PLEKHM1: variants seen among roughly 807,000 people sequenced by gnomAD.
The protein encoded by PLEKHM1 is pleckstrin homology and RUN domain containing M1, also known as pleckstrin homology domain-containing family M member 1.
In PLEKHM1, 28 loss-of-function variants were observed where a neutral mutation model predicts 94.3. The ratio of observed to expected loss-of-function variants is 0.30; its 90% CI spans 0.22 to 0.41. The LOEUF (loss-of-function observed/expected upper bound fraction) is 0.41. Ranked by LOEUF, PLEKHM1 falls within the 10% of genes least tolerant of loss-of-function variation. PLEKHM1 has a pLI of 1.00. For synonymous variants in PLEKHM1, 424 were observed against 581.2 expected, an observed-to-expected ratio of 0.73 and a Z score of 3.89; for missense variants, 907 against 1,358.6, an observed-to-expected ratio of 0.67 and a Z score of 5.22.
chr17:45,449,946 C>T (rs1417168492), intron 8 of PLEKHM1, among the ~76,000 whole-genome samples: 2 of 150,154 alleles, frequency 1.3e-5, no homozygotes, highest in African/African-American at 4.9e-5. Context: ...ATCCACCTAC[C>T]CATCCACCCA....
intron 6 of PLEKHM1, 104 bp from the exon 7 acceptor site, chr17:45,454,376 A>C (rs1489931219): frequency 9.2e-7 from 1 of 1,084,586 alleles, no homozygotes; most frequent in Non-Finnish European, 1.4e-6. Flanking sequence ...GTGGCCAGTG[A>C]CTGTCCCCAG....
intron 2 of PLEKHM1, among the ~76,000 whole-genome samples, chr17:45,479,376 G>C (rs990590302): frequency 6.6e-6 from 1 of 152,172 alleles, no homozygotes; most frequent in Non-Finnish European, 1.5e-5. Flanking sequence ...AAAAATAGCT[G>C]GGCGTGGTGG....
At chr17:45,476,535 C>T (rs755375323) in intron 3 of PLEKHM1, among the ~76,000 whole-genome samples, 13 of 152,222 alleles carry the variant, frequency 8.5e-5, no homozygotes, top group East Asian at 7.7e-4. Flanking sequence ...TAAGGCAACA[C>T]GGGGTAATGG....
At chr17:45,481,277 G>A (rs1456018594) in intron 2 of PLEKHM1, among the ~76,000 whole-genome samples, 1 of 151,822 alleles carries the variant, frequency 6.6e-6, no homozygotes, top group Non-Finnish European at 1.5e-5. Flanking sequence ...AGTTATAAGT[G>A]TTCTTTATAC....
Position 45,453,261 on chromosome 17 carries a change from C to T in PLEKHM1, c.2497+94G>A, listed in dbSNP as rs530767912. The stretch of plus-strand genomic sequence containing the variant: ...CCTAGGGGAAGGATGGGGGCATTTG[C>T]GGGGAGGCAGAAGGGTGGGGAGCCT... On this transcript the variant is annotated intron_variant, in intron 7 of 11. Transcript: ENST00000430334. The surrounding 1 kb of genome is among the most constrained non-coding windows in gnomAD (Gnocchi z 4.1). The T allele has an allele frequency of 3.3e-4, 402 of 1,230,752 alleles. 5 individuals are homozygous for T. In the South Asian group the frequency reaches 4.6e-3, roughly 14 times the overall value. The allele number at this position is 1,230,752 out of a possible 1,614,324, so 76.2% of individuals were successfully genotyped here.
intron 8 of PLEKHM1, among the ~76,000 whole-genome samples, chr17:45,450,266 T>C (rs904837729): frequency 6.6e-6 from 1 of 152,224 alleles, no homozygotes; most frequent in African/African-American, 2.4e-5. Flanking sequence ...TCCACCTACC[T>C]ACCTGACCAT....
chr17:45,453,930 G>T lies in PLEKHM1; in HGVS notation c.1922C>A (p.Pro641Gln). The T allele has an allele frequency of 6.2e-7, 1 of 1,613,828 alleles. No individual in the cohort carries two copies. The highest frequency in any genetic ancestry group is 8.5e-7 in the Non-Finnish European group (1 of 1,179,766). ...CTCGGGGGGTTCCTCAGGCTGGTCT[G>T]GGTACTGCACGTTCACCCACTCATC... The part of the protein sequence containing the change: ...QEDEWVNVQY[P>Q]DQPEEPPEAP... The change falls in exon 7 of 12, where the codon CCA becomes CAA. Residue 641 changes from proline (P) to glutamine (Q), a missense_variant. Pro to Gln is a moderately conservative substitution (Grantham distance 76). This residue lies in a region of PLEKHM1 where 477 missense variants were observed against 601.5 expected (regional missense o/e 0.79). Transcript: ENST00000430334. This position sits in a 1 kb window ranked among gnomAD's most constrained non-coding sequence, Gnocchi z 4.1.
chr17:45,465,602 T>C (rs2051295551), intron 5 of PLEKHM1, among the ~76,000 whole-genome samples: 1 of 152,046 alleles, frequency 6.6e-6, no homozygotes, highest in Non-Finnish European at 1.5e-5. Context: ...CCCAGCTACT[T>C]GGGAGGCTGA....
chr17:45,478,008 T>C lies in PLEKHM1; in HGVS notation c.188A>G (p.His63Arg), dbSNP rs2051811815. 6.2e-7 allele frequency: 1 copy of C among 1,614,090 alleles called. No individual in the cohort carries two copies. Among genetic ancestry groups the C allele is most frequent in the Admixed American group, 1.7e-5 (1 of 59,992 alleles). The change falls in exon 3 of 12, where the codon CAC (histidine) becomes CGC (arginine). Residue 63 changes from histidine (H) to arginine (R), a missense_variant. By Grantham distance (29) the His-to-Arg change is conservative (BLOSUM62 0). Around this residue, in one of 3 missense-constraint regions of PLEKHM1, gnomAD observed 176 missense variants for 306.0 expected, o/e 0.58. Transcript: ENST00000430334. ...ALEAVFIHGL[H>R]AKHIRAEAGG... ...GGCCTCAGCTCGGATGTGCTTGGCGTGCAGGCCATGGATAAATACGGCCTC... is the reference window on the plus strand; with the variant it reads ...GGCCTCAGCTCGGATGTGCTTGGCGCGCAGGCCATGGATAAATACGGCCTC...
At position 45,444,575 on chromosome 17, in the gene PLEKHM1, T is replaced by A. The variant is rs2684652; in HGVS notation, c.2837+895A>T. Reference sequence around the variant, plus strand: ...ACGACTGGCTGGTACAGGGAAGAGATGGGAACATCTGGCCCTCACCTGCCT... The same window carrying A: ...ACGACTGGCTGGTACAGGGAAGAGAAGGGAACATCTGGCCCTCACCTGCCT... On this transcript the variant is annotated intron_variant, in intron 9 of 11. Transcript: ENST00000430334. The surrounding 1 kb of genome is among the most constrained non-coding windows in gnomAD (Gnocchi z 5.0). Among the ~76,000 whole-genome samples, 1 of 152,156 alleles carries A rather than the reference T, an allele frequency of 6.6e-6. No homozygotes were observed. The highest frequency in any genetic ancestry group is 1.5e-5 in the Non-Finnish European group (1 of 68,008).
At chr17:45,484,744 G>A (rs1472575839) in intron 1 of PLEKHM1, among the ~76,000 whole-genome samples, 1 of 152,180 alleles carries the variant, frequency 6.6e-6, no homozygotes, top group Non-Finnish European at 1.5e-5. Context: ...GATTCCAGGG[G>A]TGGTCTGGGA....
At chr17:45,471,305 A>C (rs9893586) in intron 4 of PLEKHM1, among the ~76,000 whole-genome samples, 103,185 of 139,496 alleles carry the variant, frequency 0.74, 38,570 homozygotes, top group African/African-American at 0.83. Flanking sequence ...TAAGGGTGGG[A>C]AAAGATGTAG....
intron 1 of PLEKHM1, among the ~76,000 whole-genome samples, 187 bp downstream of exon 1, chr17:45,490,465 G>A (rs2052278321): frequency 6.6e-6 from 1 of 152,042 alleles, no homozygotes; most frequent in South Asian, 2.1e-4. Flanking sequence ...CAGCGGCGGT[G>A]CAGGGGGAAG....
chr17:45,479,224 A>C (rs2051857216), intron 2 of PLEKHM1, among the ~76,000 whole-genome samples: 1 of 152,106 alleles, frequency 6.6e-6, no homozygotes, highest in African/African-American at 2.4e-5. Flanking sequence ...AAATGCAAAA[A>C]TTAGCCAGGT....
intron 2 of PLEKHM1, among the ~76,000 whole-genome samples, chr17:45,479,217 T>C (rs1224146256): frequency 6.6e-6 from 1 of 151,922 alleles, no homozygotes; most frequent in Non-Finnish European, 1.5e-5. Flanking sequence ...CTACTAAAAA[T>C]GCAAAAATTA....
Position 45,481,269 on chromosome 17 carries a change from T to C in PLEKHM1, c.48+1168A>G, listed in dbSNP as rs2051942947. Among the ~76,000 whole-genome samples, 8 of 152,264 alleles carry C rather than the reference T, an allele frequency of 5.3e-5. No individual in the cohort carries two copies. In the South Asian group the frequency reaches 1.7e-3, roughly 32 times the overall value. On this transcript the variant is annotated intron_variant, in intron 2 of 11. Transcript: ENST00000430334. ...GATTATTTGTCTTTTTATTGTTGAG[T>C]TATAAGTGTTCTTTATACATTCTGG... is the stretch of plus-strand genomic sequence containing the variant.
rs1349679680 is a variant in PLEKHM1, at chr17:45,490,643, C to T, written c.-42+9G>A. ...GCCGCCCTCCTCGCATCTTGACCCC[C>T]TAACTCACCAAGCGGAGCGAGGAGC... is the stretch of plus-strand genomic sequence containing the variant. On this transcript the variant is annotated intron_variant, in intron 1 of 11. Coordinates refer to ENST00000430334, the MANE Select transcript of PLEKHM1 (RefSeq NM_014798.3). The T allele has an allele frequency of 6.7e-6, 3 of 449,834 alleles. No individual in the cohort carries two copies. Among genetic ancestry groups the T allele is most frequent in the African/African-American group, 4.1e-5 (2 of 49,180 alleles). The allele number at this position is 449,834 out of a possible 1,614,324, so 27.9% of individuals were successfully genotyped here. A position where few individuals can be genotyped will look rare whatever the true frequency, so the allele number is the denominator to read the frequency against.
rs1009336470 is a variant in PLEKHM1, at chr17:45,437,565, G to C, written c.*293C>G. ...TTTGGGCAGCCCTAACGGAGGCGCC[G>C]GGACGCTGGTGAGCCAGGGCCTGGT... On this transcript the variant is annotated 3_prime_UTR_variant, in exon 12 of 12. Transcript: ENST00000430334. The surrounding 1 kb of genome is among the most constrained non-coding windows in gnomAD (Gnocchi z 4.0). The C allele has an allele frequency of 1.9e-5, 12 of 630,276 alleles. No individual in the cohort carries two copies. The highest frequency in any genetic ancestry group is 1.6e-4 in the African/African-American group (9 of 55,700). 39.0% of individuals were successfully genotyped at this position (630,276 alleles called of 1,614,324 possible).
chr17:45,463,130 T>C (rs1005810705), intron 5 of PLEKHM1, among the ~76,000 whole-genome samples: 10 of 151,388 alleles, frequency 6.6e-5, no homozygotes, highest in Non-Finnish European at 1.2e-4. Flanking sequence ...TGGGGAGGAC[T>C]TCTCTCTCCT....
Sources: allele counts gnomAD v4.1 joint callset (sites outside exome capture counted in the v4.1 genomes callset), GRCh38; gene constraint gnomAD v4.1.1; regional missense constraint gnomAD v4.1.1; non-coding constraint Gnocchi (gnomAD v3.1); transcripts MANE v1.5; gene names NCBI Gene and HGNC (gene_info 2026-07-23, HGNC 2026-07-21).